Variants in PELI3 observed in about 807,000 individuals in gnomAD.
PELI3 encodes pellino E3 ubiquitin protein ligase family member 3.
A neutral mutation model predicts 35.5 loss-of-function variants in PELI3; 19 were observed. The ratio of observed to expected loss-of-function variants is 0.54; its 90% confidence interval spans 0.37 to 0.79. PELI3 has a LOEUF of 0.79. Ranked by LOEUF, PELI3 falls within the 30% of genes least tolerant of loss-of-function variation. The probability of loss-of-function intolerance (pLI) is 0.00; values close to 1 mark genes in which losing one functional copy is unlikely to be tolerated. For synonymous variants in PELI3, 262 were observed against 279.2 expected (o/e 0.94, Z 0.62); for missense variants, 490 against 661.2 (o/e 0.74, Z 2.84).
intron 3 of PELI3, among the ~76,000 whole-genome samples, chr11:66,470,362 A>G (rs117807401): frequency 0.03 from 4,531 of 152,252 alleles, 112 homozygotes; most frequent in Non-Finnish European, 0.042. Flanking sequence ...CTCCATCTAG[A>G]GGGGCTTCTG....
At position 66,473,468 on chromosome 11, in the gene PELI3, A is replaced by G. The variant is rs576995065; in HGVS notation, c.651+33A>G. On this transcript the variant is annotated intron_variant, in intron 6 of 7. Coordinates refer to ENST00000320740, the MANE Select transcript of PELI3 (RefSeq NM_145065.3). This position sits in a 1 kb window ranked among gnomAD's most constrained non-coding sequence, Gnocchi z 5.8. ...AGCCCCAGGAAGGGACCAACTCTTC[A>G]TCTGTGAGGCAAGGGGTAGGCTTGG... 5.6e-5 allele frequency: 89 copies of G among 1,581,462 alleles called. 2 individuals carry two copies. The Middle Eastern group carries it at 8.6e-4, about 15-fold the overall frequency.
In PELI3 at chr11:66,473,903, C is replaced by T. The variant is rs781235211; in HGVS notation, c.818C>T (p.Ser273Leu). 1.2e-6 allele frequency: 2 copies of T among 1,613,518 alleles called. No homozygotes were observed. The highest frequency in any genetic ancestry group is 2.2e-5 in the South Asian group (2 of 91,082). Residue 273 changes from serine to leucine, a missense_variant, in exon 7 of 8, where the codon TCA becomes TTA. Ser to Leu is a moderately radical substitution (Grantham distance 145, BLOSUM62 -2). This residue lies in a region of PELI3 where 349 missense variants were observed against 484.8 expected (regional missense o/e 0.72). Coordinates refer to ENST00000320740, the MANE Select transcript of PELI3 (RefSeq NM_145065.3). This position sits in a 1 kb window ranked among gnomAD's most constrained non-coding sequence, Gnocchi z 5.8. The stretch of plus-strand genomic sequence containing the variant: ...GTGTACACATTGCGGGACAGCCGCT[C>T]AGCCCAGCAGCGGGGCAAGCTGGTA... ...GNVYTLRDSR[S>L]AQQRGKLVEN...
At chr11:66,466,714 G>A (rs1269762395), upstream of PELI3, 2 of 152,328 alleles carry the variant, frequency 1.3e-5, no homozygotes, top group Non-Finnish European at 2.9e-5. Context: ...TGGTCAGAGG[G>A]CGGTACCAGG....
chr11:66,474,627 T>G (rs1038917720), intron 7 of PELI3: 1 of 153,358 alleles, frequency 6.5e-6, no homozygotes, highest in Non-Finnish European at 1.4e-5. Context: ...AAGCATTGTT[T>G]GTTAAAACAA....
At chr11:66,466,660 G>A (rs1854535315), upstream of PELI3, 1 of 152,298 alleles carries the variant, frequency 6.6e-6, no homozygotes, top group South Asian at 2.1e-4. Context: ...CCGGCTAGGA[G>A]GGGCAAGGGA....
intron 7 of PELI3, among the ~76,000 whole-genome samples, chr11:66,475,354 C>T (rs1040366610): frequency 6.6e-6 from 1 of 152,200 alleles, no homozygotes; most frequent in Non-Finnish European, 1.5e-5. Context: ...TTAGAAAAAC[C>T]CTGTCTGGGT....
At chr11:66,469,791 G>GTTTTTTTTTGTTT (rs1854652400) in intron 3 of PELI3, among the ~76,000 whole-genome samples, 1 of 124,610 alleles carries the variant, frequency 8.0e-6, no homozygotes, top group East Asian at 2.4e-4. Flanking sequence ...CAGGGAATCT[G>GTTTTTTTTTGTTT]TTTTTTTTTT....
intron 2 of PELI3, 147 bp from the exon 3 acceptor site, chr11:66,468,686 C>T (rs1854617339): frequency 1.7e-6 from 1 of 574,478 alleles, no homozygotes; most frequent in Admixed American, 2.6e-5. Flanking sequence ...TGATAATAAT[C>T]CCTTCCTCAG....
chr11:66,475,866 G>A lies in PELI3; in HGVS notation c.1109G>A (p.Gly370Asp), dbSNP rs1374185102. The change falls in exon 8 of 8, where the codon GGC becomes GAC. Residue 370 changes from glycine (G) to aspartate (D), a missense_variant. By Grantham distance (94) the Gly-to-Asp change is moderately conservative. Around this residue, in one of 3 missense-constraint regions of PELI3, gnomAD observed 349 missense variants for 484.8 expected, o/e 0.72. Transcript: ENST00000320740. ...TGCGGGCACGTCCATGGCTACCACGGCTGGGGCTGCCGGCGGGAGCGGGGC... is the reference window on the plus strand; with the variant it reads ...TGCGGGCACGTCCATGGCTACCACGACTGGGGCTGCCGGCGGGAGCGGGGC... ...VRCGHVHGYH[G>D]WGCRRERGPQ... 1 of 1,606,282 alleles carries A rather than the reference G, an allele frequency of 6.2e-7. No individual in the cohort carries two copies. Among genetic ancestry groups the A allele is most frequent in the East Asian group, 2.2e-5 (1 of 44,724 alleles).
chr11:66,473,617 T>C lies in PELI3; in HGVS notation c.652-120T>C. The C allele has an allele frequency of 1.4e-6, 2 of 1,404,494 alleles. No individual in the cohort carries two copies. Among genetic ancestry groups the C allele is most frequent in the South Asian group, 2.5e-5 (2 of 78,820 alleles). 87.0% of individuals were successfully genotyped at this position (1,404,494 alleles called of 1,614,324 possible). On this transcript the variant is annotated intron_variant, in intron 6 of 7. Coordinates refer to ENST00000320740, the MANE Select transcript of PELI3 (RefSeq NM_145065.3). This position sits in a 1 kb window ranked among gnomAD's most constrained non-coding sequence, Gnocchi z 5.8. Reference sequence around the variant, plus strand: ...CAGAGAGACGCTCAAGTCATGCAGCTTCAATGCCAGTCCTCTCTGGGCCGC... The same window carrying C: ...CAGAGAGACGCTCAAGTCATGCAGCCTCAATGCCAGTCCTCTCTGGGCCGC...
rs1030469537 is a variant in PELI3 at position 66,476,602 on chromosome 11, C to T, written c.*435C>T. On this transcript the variant is annotated 3_prime_UTR_variant, in exon 8 of 8. Coordinates refer to ENST00000320740, the MANE Select transcript of PELI3 (RefSeq NM_145065.3). ...CCGCCCTGGGTTCCTCTATAAACCT[C>T]GCTGCTCAGCTGCCCCCACAAGTCC... 1.1e-4 allele frequency: 21 copies of T among 194,052 alleles called. No individual in the cohort carries two copies. Among genetic ancestry groups the T allele is most frequent in the Admixed American group, 4.6e-4 (8 of 17,392 alleles). 12.0% of individuals were successfully genotyped at this position (194,052 alleles called of 1,614,324 possible). A position where few individuals can be genotyped will look rare whatever the true frequency, so the allele number is the denominator to read the frequency against.
At chr11:66,470,416 A>G (rs1011154252) in intron 3 of PELI3, among the ~76,000 whole-genome samples, 3 of 152,238 alleles carry the variant, frequency 2.0e-5, no homozygotes, top group Admixed American at 1.3e-4. Flanking sequence ...TTCACCTACT[A>G]GCCAGAGGCA....
chr11:66,472,471 G>T lies in PELI3; in HGVS notation c.456+1G>T. ...TGATAGCGACACAGACATGTTCCAG[G>T]TATGCTCAGGCCTCTCCACACACCT... is the stretch of plus-strand genomic sequence containing the variant. On this transcript the variant is annotated splice_donor_variant, in intron 5 of 7. Transcript: ENST00000320740. LOFTEE classifies it high-confidence loss of function. The T allele has an allele frequency of 6.2e-7, 1 of 1,612,768 alleles. No homozygotes were observed. The highest frequency in any genetic ancestry group is 8.5e-7 in the Non-Finnish European group (1 of 1,178,790).
chr11:66,472,010 C>A (rs960408896), intron 4 of PELI3, among the ~76,000 whole-genome samples: 24 of 151,780 alleles, frequency 1.6e-4, no homozygotes, highest in African/African-American at 5.6e-4. Flanking sequence ...CAGGCGTGTA[C>A]CACCACACCC....
intron 3 of PELI3, among the ~76,000 whole-genome samples, 199 bp from the exon 4 acceptor site, chr11:66,471,043 C>T (rs566129534): frequency 6.6e-6 from 1 of 152,286 alleles, no homozygotes; most frequent in South Asian, 2.1e-4. Context: ...TGAAACTGCT[C>T]TGACACCCCC....
At chr11:66,468,771 C>G (rs371926335) in intron 2 of PELI3, 62 bp from the exon 3 acceptor site, 3 of 763,572 alleles carry the variant, frequency 3.9e-6, no homozygotes, top group Admixed American at 3.5e-5. Context: ...ATCGAGTGTT[C>G]TGGGAGGCAG....
At position 66,476,336 on chromosome 11, in the gene PELI3, C is replaced by T. The variant is rs1423779892; in HGVS notation, c.*169C>T. 2 of 715,910 alleles carry T rather than the reference C, an allele frequency of 2.8e-6. No homozygotes were observed. The highest frequency in any genetic ancestry group is 1.8e-5 in the African/African-American group (1 of 55,976). 44.3% of individuals were successfully genotyped at this position (715,910 alleles called of 1,614,324 possible). A position where few individuals can be genotyped will look rare whatever the true frequency, so the allele number is the denominator to read the frequency against. On this transcript the variant is annotated 3_prime_UTR_variant, in exon 8 of 8. Coordinates refer to ENST00000320740, the MANE Select transcript of PELI3 (RefSeq NM_145065.3). The stretch of plus-strand genomic sequence containing the variant: ...CCCAACTGTGGCCCCCCAAGGAGGT[C>T]CCCAAGATCTCCACCCCAGTCATGC...
At position 66,476,065 on chromosome 11, in the gene PELI3, C is replaced by T. The variant is rs749185847; in HGVS notation, c.1308C>T (p.Pro436=). 7.5e-6 allele frequency: 12 copies of T among 1,609,696 alleles called. No homozygotes were observed. The African/African-American group carries it at 1.5e-4, about 20-fold the overall frequency. ...TARYWAQTPL[P]HGTHAFHAAC... is the part of the protein sequence containing the mutation. The stretch of plus-strand genomic sequence containing the variant: ...GCTACTGGGCCCAGACACCACTGCC[C>T]CACGGCACCCATGCTTTCCATGCCG... The change falls in exon 8 of 8, where the codon CCC becomes CCT. Residue 436 remains proline, a synonymous_variant. Coordinates refer to ENST00000320740, the MANE Select transcript of PELI3 (RefSeq NM_145065.3).
rs1854954071 is a variant in PELI3, at chr11:66,477,274, A to G, written c.*1107A>G. On this transcript the variant is annotated 3_prime_UTR_variant, in exon 8 of 8. Transcript: ENST00000320740. Reference sequence around the variant, plus strand: ...CAAGGGCCATCATCCCTGAATGCCCACCATGTGCCCCGCACTGTGCTGATG... The same window carrying G: ...CAAGGGCCATCATCCCTGAATGCCCGCCATGTGCCCCGCACTGTGCTGATG... 2 of 152,162 alleles carry G rather than the reference A, an allele frequency of 1.3e-5. No individual in the cohort carries two copies. The highest frequency in any genetic ancestry group is 4.1e-4 in the South Asian group (2 of 4,824). 9.4% of individuals were successfully genotyped at this position (152,162 alleles called of 1,614,324 possible).
Sources: allele counts gnomAD v4.1 joint callset (sites outside exome capture counted in the v4.1 genomes callset), GRCh38; gene constraint gnomAD v4.1.1; regional missense constraint gnomAD v4.1.1; non-coding constraint Gnocchi (gnomAD v3.1); transcripts MANE v1.5; gene names NCBI Gene and HGNC (gene_info 2026-07-23, HGNC 2026-07-21).